MYO16: variants seen among roughly 807,000 people sequenced by gnomAD.
MYO16 encodes the protein unconventional myosin-XVI.
MYO16 carries 94 observed loss-of-function variants against 205.3 expected under a neutral mutation model. The observed-to-expected ratio is 0.46, with a 90% CI of 0.39 to 0.54. MYO16 has a LOEUF of 0.54. Ranked by LOEUF, MYO16 falls within the 20% of genes least tolerant of loss-of-function variation. MYO16 has a pLI of 0.00. For missense variants in MYO16, 2,315 were observed against 2,387.5 expected (o/e 0.97, Z 0.63); for synonymous variants, 988 against 954.0 (o/e 1.04, Z -0.66).
intron 4 of MYO16, among the ~76,000 whole-genome samples, chr13:108,740,610 C>T (rs1018319079): frequency 7.2e-5 from 11 of 152,132 alleles, no homozygotes; most frequent in Non-Finnish European, 1.2e-4. Context: ...GCAGTCTGTC[C>T]GTTCTCAGAT....
intron 27 of MYO16, among the ~76,000 whole-genome samples, chr13:109,099,503 A>G (rs775290494): frequency 2.0e-5 from 3 of 152,186 alleles, no homozygotes; most frequent in Non-Finnish European, 2.9e-5. Context: ...CTCTAAGCGC[A>G]CTAATCCCAT....
chr13:109,165,617 G>T (rs1347758051), intron 33 of MYO16, among the ~76,000 whole-genome samples: 1 of 152,174 alleles, frequency 6.6e-6, no homozygotes. Flanking sequence ...GCAGGGCTGG[G>T]AAAAGCATGT....
At chr13:108,655,493 C>A (rs547623250) in intron 1 of MYO16, among the ~76,000 whole-genome samples, 1 of 152,188 alleles carries the variant, frequency 6.6e-6, no homozygotes, top group Non-Finnish European at 1.5e-5. Flanking sequence ...TCATGGAGGA[C>A]CTCAGCTAGG....
the MYO16 span, among the ~76,000 whole-genome samples, chr13:108,558,718 C>T: frequency 6.6e-6 from 1 of 152,196 alleles, no homozygotes; most frequent in East Asian, 1.9e-4. Context: ...GTAACTTACA[C>T]GTGAGCACCT....
intron 20 of MYO16, among the ~76,000 whole-genome samples, chr13:108,987,131 A>T (rs749677754): frequency 6.6e-6 from 1 of 152,176 alleles, no homozygotes; most frequent in Non-Finnish European, 1.5e-5. Context: ...ACTTCCTAAC[A>T]TATATTTCTG....
chr13:109,120,840 A>G (rs1237255975), intron 29 of MYO16, among the ~76,000 whole-genome samples: 1 of 152,136 alleles, frequency 6.6e-6, no homozygotes, highest in Non-Finnish European at 1.5e-5. Context: ...CCTTGAGGCC[A>G]GGAGTTCAAG....
chr13:108,616,926 G>T (rs1024054357), intron 1 of MYO16, among the ~76,000 whole-genome samples: 1 of 152,056 alleles, frequency 6.6e-6, no homozygotes, highest in African/African-American at 2.4e-5. Flanking sequence ...CTTGAAACCT[G>T]CGAATGGCTC....
At position 108,823,168 on chromosome 13, in the gene MYO16, C is replaced by T. The variant is rs141603684; in HGVS notation, c.987C>T (p.Ala329=). ...TTATTGAGGAAATGCTGCTGAAAGC[C>T]GAAATTGCCTGGGAAGAAAAAATGA... ...SEFIEEMLLK[A]EIAWEEKMKE... Residue 329 remains alanine (A), a synonymous_variant, in exon 9 of 35, where the codon GCC becomes GCT. Transcript: ENST00000457511. 1,298 of 1,612,200 alleles carry T rather than the reference C, an allele frequency of 8.1e-4. 4 individuals carry two copies. The African/African-American group carries it at 0.012, about 15-fold the overall frequency.
intron 31 of MYO16, among the ~76,000 whole-genome samples, chr13:109,136,017 T>C (rs532689064): frequency 1.3e-5 from 2 of 152,260 alleles, no homozygotes; most frequent in African/African-American, 4.8e-5. Flanking sequence ...ATTCCCTGAA[T>C]TTTATTTCTG....
chr13:108,827,324 T>C (rs1306619905), intron 9 of MYO16, among the ~76,000 whole-genome samples: 2 of 152,168 alleles, frequency 1.3e-5, no homozygotes, highest in Admixed American at 6.6e-5. Flanking sequence ...TATCTCAGGA[T>C]ACAAGCCAAA....
the MYO16 span, among the ~76,000 whole-genome samples, chr13:108,564,023 G>C: frequency 6.6e-6 from 1 of 151,988 alleles, no homozygotes; most frequent in African/African-American, 2.4e-5. Flanking sequence ...CTGTCTTTTG[G>C]ATGAAAGCCA....
At chr13:108,718,939 A>G (rs1884054089) in intron 3 of MYO16, among the ~76,000 whole-genome samples, 1 of 152,124 alleles carries the variant, frequency 6.6e-6, no homozygotes, top group Non-Finnish European at 1.5e-5. Flanking sequence ...GCAACAGAAG[A>G]GCACATTGTG....
intron 1 of MYO16, among the ~76,000 whole-genome samples, chr13:108,631,982 G>A (rs1880001850): frequency 6.6e-6 from 1 of 150,908 alleles, no homozygotes; most frequent in African/African-American, 2.4e-5. Flanking sequence ...GGAGGTTGAG[G>A]CAGGAGAATT....
At chr13:108,563,884 GTAGTTCTACTTT>G in the MYO16 span, among the ~76,000 whole-genome samples, 6 of 152,142 alleles carry the variant, frequency 3.9e-5, no homozygotes, top group African/African-American at 1.4e-4. Flanking sequence ...GAATCATATG[GTAGTTCTACTTT>G]TAGTTTTCTG....
At chr13:108,936,377 T>A (rs1488985837) in intron 16 of MYO16, among the ~76,000 whole-genome samples, 1 of 152,064 alleles carries the variant, frequency 6.6e-6, no homozygotes, top group Non-Finnish European at 1.5e-5. Context: ...TTGGTAGGTT[T>A]TTTATTATAG....
chr13:108,980,895 T>C (rs535674208), intron 20 of MYO16, among the ~76,000 whole-genome samples: 1 of 152,260 alleles, frequency 6.6e-6, no homozygotes, highest in East Asian at 1.9e-4. Context: ...CATTCTTGTC[T>C]CCCTTTTACA....
intron 4 of MYO16, among the ~76,000 whole-genome samples, chr13:108,731,435 A>G (rs1384945018): frequency 6.6e-6 from 1 of 152,056 alleles, no homozygotes; most frequent in African/African-American, 2.4e-5. Context: ...AGACTTCTTT[A>G]CCTCACGTGT....
intron 1 of MYO16, among the ~76,000 whole-genome samples, chr13:108,633,960 C>A (rs1190537488): frequency 6.6e-6 from 1 of 152,184 alleles, no homozygotes; most frequent in Non-Finnish European, 1.5e-5. Flanking sequence ...AGCCACTTCA[C>A]TCCTTGCCCT....
chr13:108,821,381 C>G (rs414033), intron 8 of MYO16, among the ~76,000 whole-genome samples: 152,038 of 152,308 alleles, frequency 1, 75,885 homozygotes, highest in Middle Eastern at 1. Context: ...AGAAATTTTA[C>G]ACAGCTTAAT....
Sources: gnomAD v4.1 joint callset for allele counts (sites outside exome capture counted in the v4.1 genomes callset) on GRCh38, gnomAD v4.1.1 for gene constraint, MANE v1.5 for transcripts, NCBI Gene and HGNC (gene_info 2026-07-23, HGNC 2026-07-21) for gene names.